Variants in PRKD1 observed in about 807,000 individuals in gnomAD.
PRKD1 encodes protein kinase D1.
PRKD1 carries 63 observed loss-of-function variants against 95.9 expected under a neutral mutation model. The ratio of observed to expected loss-of-function variants is 0.66; its 90% confidence interval spans 0.54 to 0.81. The LOEUF (loss-of-function observed/expected upper bound fraction) is 0.81. Ranked by LOEUF, PRKD1 falls within the 30% of genes least tolerant of loss-of-function variation. The pLI is 0.00. For synonymous variants in PRKD1, 425 were observed against 423.1 expected (o/e 1.00, Z -0.05); for missense variants, 1,048 against 1,165.3 (o/e 0.90, Z 1.47).
At chr14:29,723,129 T>C (rs968838957) in intron 2 of PRKD1, among the ~76,000 whole-genome samples, 3 of 152,146 alleles carry the variant, frequency 2.0e-5, no homozygotes, top group African/African-American at 7.2e-5. Context: ...ATCATAAATA[T>C]GTATGTTAAC....
chr14:29,595,019 T>C (rs1386982881), intron 16 of PRKD1, among the ~76,000 whole-genome samples: 1 of 151,360 alleles, frequency 6.6e-6, no homozygotes, highest in Non-Finnish European at 1.5e-5. Context: ...CATCCAGAGC[T>C]TTAGTTCGCA....
At chr14:29,628,548 G>A (rs908316251) in intron 11 of PRKD1, among the ~76,000 whole-genome samples, 14 of 152,138 alleles carry the variant, frequency 9.2e-5, no homozygotes, top group Admixed American at 1.3e-4. Context: ...ATGAGAACCC[G>A]TAAGATTCGA....
Position 29,927,369 on chromosome 14 carries a change from GC to G in PRKD1, c.143del (p.Gly48AlafsTer10). ...GGCCGATCTGCAGATGGAACGAGAT[GC>G]CCCCGACCGGGGCCGCGACAGGAGC... is the stretch of plus-strand genomic sequence containing the variant. ...FLAPVAAPVG[G>X]ISFHLQIGLS... On this transcript the variant is annotated frameshift_variant, in exon 1 of 18. Coordinates refer to ENST00000331968, the MANE Select transcript of PRKD1 (RefSeq NM_002742.3). LOFTEE classifies it high-confidence loss of function. 6.4e-7 allele frequency: 1 copy of G among 1,560,416 alleles called. No homozygotes were observed. The highest frequency in any genetic ancestry group is 1.2e-5 in the South Asian group (1 of 85,360).
At chr14:29,750,137 G>A (rs1391447218) in intron 1 of PRKD1, among the ~76,000 whole-genome samples, 1 of 152,000 alleles carries the variant, frequency 6.6e-6, no homozygotes, top group African/African-American at 2.4e-5. Flanking sequence ...AACAAAGGAC[G>A]TTTCATAAGA....
At chr14:29,914,194 G>C (rs1420518399) in intron 1 of PRKD1, among the ~76,000 whole-genome samples, 1 of 152,196 alleles carries the variant, frequency 6.6e-6, no homozygotes, top group Non-Finnish European at 1.5e-5. Flanking sequence ...TAGTCTACGA[G>C]GGAAGTTACG....
chr14:29,825,009 G>A (rs906555504), intron 1 of PRKD1, among the ~76,000 whole-genome samples: 9 of 152,040 alleles, frequency 5.9e-5, no homozygotes, highest in African/African-American at 2.2e-4. Context: ...GATTAATGCT[G>A]TATTTCATGG....
chr14:29,754,702 A>G (rs963223626), intron 1 of PRKD1, among the ~76,000 whole-genome samples: 2 of 152,112 alleles, frequency 1.3e-5, no homozygotes, highest in Admixed American at 6.6e-5. Flanking sequence ...TTATACAAGT[A>G]AAACACTATT....
intron 1 of PRKD1, among the ~76,000 whole-genome samples, chr14:29,807,150 C>T (rs28409922): frequency 2.2e-4 from 34 of 152,128 alleles, no homozygotes; most frequent in African/African-American, 7.2e-4. Flanking sequence ...TCATCAGGCT[C>T]TTATGAGAAT....
At chr14:29,834,398 CTTTAG>C (rs1891531704) in intron 1 of PRKD1, among the ~76,000 whole-genome samples, 1 of 152,068 alleles carries the variant, frequency 6.6e-6, no homozygotes, top group Non-Finnish European at 1.5e-5. Flanking sequence ...ACGTGATTCT[CTTTAG>C]TTTGTTTTAT....
intron 1 of PRKD1, among the ~76,000 whole-genome samples, chr14:29,920,626 A>G (rs1895068111): frequency 6.6e-6 from 1 of 151,090 alleles, no homozygotes; most frequent in Non-Finnish European, 1.5e-5. Flanking sequence ...ACACACACAC[A>G]AAGTTTCATA....
intron 1 of PRKD1, among the ~76,000 whole-genome samples, chr14:29,821,730 A>T (rs1890919641): frequency 6.6e-6 from 1 of 152,204 alleles, no homozygotes; most frequent in Non-Finnish European, 1.5e-5. Context: ...GATGGGCAAA[A>T]TATCATAATA....
At chr14:29,730,951 T>C (rs1020566173) in intron 1 of PRKD1, among the ~76,000 whole-genome samples, 1 of 151,818 alleles carries the variant, frequency 6.6e-6, no homozygotes, top group Admixed American at 6.6e-5. Context: ...TGACTATAGA[T>C]AATAATATTA....
chr14:29,662,437 T>C, intron 4 of PRKD1, among the ~76,000 whole-genome samples: 1 of 152,146 alleles, frequency 6.6e-6, no homozygotes. Context: ...GAATAATATA[T>C]GATCATGCAT....
intron 1 of PRKD1, among the ~76,000 whole-genome samples, chr14:29,865,949 T>C (rs913784155): frequency 6.6e-6 from 1 of 152,216 alleles, no homozygotes; most frequent in African/African-American, 2.4e-5. Context: ...TTCAGGTTTA[T>C]AAGATATTTT....
At chr14:29,622,065 GT>G (rs1879300640) in intron 13 of PRKD1, among the ~76,000 whole-genome samples, 1 of 152,162 alleles carries the variant, frequency 6.6e-6, no homozygotes. Context: ...GTGGAAGACA[GT>G]TTTTCCATGG....
chr14:29,642,989 T>C (rs531351291), intron 4 of PRKD1, among the ~76,000 whole-genome samples: 1 of 152,220 alleles, frequency 6.6e-6, no homozygotes, highest in African/African-American at 2.4e-5. Flanking sequence ...TTCATTAATA[T>C]GTTCAGAGAA....
chr14:29,849,154 C>T (rs112552984), intron 1 of PRKD1, among the ~76,000 whole-genome samples: 4,106 of 152,198 alleles, frequency 0.027, 174 homozygotes, highest in African/African-American at 0.093. Context: ...CAGACTTTCC[C>T]CTTTGGTGCT....
intron 1 of PRKD1, among the ~76,000 whole-genome samples, chr14:29,803,892 T>C (rs1890128596): frequency 6.6e-6 from 1 of 152,192 alleles, no homozygotes; most frequent in Admixed American, 6.5e-5. Context: ...TGCTATCCTG[T>C]AACCACAGTA....
At chr14:29,899,292 C>A (rs1220752621) in intron 1 of PRKD1, among the ~76,000 whole-genome samples, 1 of 151,914 alleles carries the variant, frequency 6.6e-6, no homozygotes, top group Admixed American at 6.6e-5. Context: ...CAAACCTTGT[C>A]AAAAAAACAC....
Sources: allele counts gnomAD v4.1 joint callset (sites outside exome capture counted in the v4.1 genomes callset), GRCh38; gene constraint gnomAD v4.1.1; transcripts MANE v1.5; gene names NCBI Gene and HGNC (gene_info 2026-07-23, HGNC 2026-07-21).